RGS3: variants seen among roughly 807,000 people sequenced by gnomAD.
The protein encoded by RGS3 is regulator of G protein signaling 3, also known as regulator of G-protein signalling 3.
A neutral mutation model predicts 132.6 loss-of-function variants in RGS3; 80 were observed. The ratio of observed to expected loss-of-function variants is 0.60; its 90% CI spans 0.50 to 0.73. The LOEUF is 0.73. RGS3 is among the 30% of genes least tolerant of loss of function. RGS3 has a pLI of 0.00. For synonymous variants in RGS3, 598 were observed against 620.6 expected (o/e 0.96, Z 0.54); for missense variants, 1,382 against 1,530.8 (o/e 0.90, Z 1.62).
At chr9:113,551,150 C>T (rs1190510947) in intron 19 of RGS3, among the ~76,000 whole-genome samples, 3 of 152,194 alleles carry the variant, frequency 2.0e-5, no homozygotes, top group African/African-American at 7.2e-5. Flanking sequence ...CAACCCTAAG[C>T]GACCACTAGT....
chr9:113,485,579 G>A, intron 6 of RGS3, 46 bp from the exon 5 acceptor site: 1 of 1,493,182 alleles, frequency 6.7e-7, no homozygotes, highest in Non-Finnish European at 9.2e-7. Flanking sequence ...CTATGGCCTG[G>A]AGCTCAGCCC....
At chr9:113,566,102 AT>A (rs1237638839) in intron 19 of RGS3, among the ~76,000 whole-genome samples, 4 of 152,108 alleles carry the variant, frequency 2.6e-5, no homozygotes, top group Non-Finnish European at 5.9e-5. Flanking sequence ...AGGGTTGGCT[AT>A]TGTATCAGGG....
In RGS3 at chr9:113,498,102, C is replaced by T. The variant is rs763672127; in HGVS notation, c.897+22C>T. On this transcript the variant is annotated intron_variant, in intron 10 of 24. Coordinates refer to ENST00000350696, the Ensembl canonical transcript of RGS3. Reference sequence around the variant, plus strand: ...AAAGGTAGGTGGGGACAAGCTAGGGCATTGCTCCAGGAGCTGGATCTGCTC... The same window carrying T: ...AAAGGTAGGTGGGGACAAGCTAGGGTATTGCTCCAGGAGCTGGATCTGCTC... The T allele has an allele frequency of 3.7e-6, 6 of 1,611,678 alleles. No homozygotes were observed. In the South Asian group the frequency reaches 6.6e-5, roughly 18 times the overall value.
chr9:113,544,933 A>G (rs189836565), intron 19 of RGS3, among the ~76,000 whole-genome samples: 2 of 152,334 alleles, frequency 1.3e-5, no homozygotes, highest in East Asian at 3.9e-4. Flanking sequence ...TGTAGAGGGA[A>G]TGCTTTTAGG....
At chr9:113,520,170 G>A (rs1831870786) in intron 16 of RGS3, among the ~76,000 whole-genome samples, 1 of 152,220 alleles carries the variant, frequency 6.6e-6, no homozygotes, top group Non-Finnish European at 1.5e-5. Flanking sequence ...GTGTGGGGAA[G>A]ACACTGGGTG....
At chr9:113,594,871 T>G (rs777243258) in intron 22 of RGS3, 48 bp from the exon 21 acceptor site, 1 of 1,580,704 alleles carries the variant, frequency 6.3e-7, no homozygotes. Context: ...CCCCCAAGGT[T>G]CCCAAGCCTC....
At chr9:113,453,963 A>T (rs1829312078) in intron 1 of RGS3, among the ~76,000 whole-genome samples, 1 of 151,966 alleles carries the variant, frequency 6.6e-6, no homozygotes, top group African/African-American at 2.4e-5. Context: ...GACCACAGTC[A>T]TGTGCCACCA....
chr9:113,553,457 AAAAT>A (rs1206408503), intron 19 of RGS3, among the ~76,000 whole-genome samples: 2 of 90,872 alleles, frequency 2.2e-5, no homozygotes, highest in East Asian at 2.4e-4. Context: ...AAAAAAAAAA[AAAAT>A]ATATATATAT....
intron 7 of RGS3, 66 bp from the exon 6 acceptor site, chr9:113,495,720 T>G: frequency 7.4e-7 from 1 of 1,346,450 alleles, no homozygotes; most frequent in Non-Finnish European, 1.1e-6. Flanking sequence ...ATGCTATACT[T>G]GATAATGGAC....
chr9:113,525,692 C>CG (rs2119425242), intron 17 of RGS3, among the ~76,000 whole-genome samples: 1 of 152,322 alleles, frequency 6.6e-6, no homozygotes, highest in Non-Finnish European at 1.5e-5. Context: ...GGGCTGCTCC[C>CG]TGGCAGGGGA....
chr9:113,481,665 C>A (rs531380079), intron 4 of RGS3, among the ~76,000 whole-genome samples: 6 of 152,242 alleles, frequency 3.9e-5, no homozygotes, highest in African/African-American at 1.4e-4. Flanking sequence ...CCCTTCCCAC[C>A]GGTCCCCACT....
chr9:113,485,753 G>A (rs923153450), intron 7 of RGS3, 60 bp downstream of exon 5: 22 of 1,313,086 alleles, frequency 1.7e-5, no homozygotes, highest in Non-Finnish European at 2.2e-6. Flanking sequence ...TGACAGCCAG[G>A]TGGCCAGCAT....
chr9:113,489,787 C>T (rs1246745897), intron 7 of RGS3, among the ~76,000 whole-genome samples: 3 of 151,832 alleles, frequency 2.0e-5, no homozygotes, highest in Non-Finnish European at 4.4e-5. Context: ...GCCTCAGCCT[C>T]CTAAAGTGCT....
At chr9:113,524,414 G>A (rs577652697) in intron 17 of RGS3, among the ~76,000 whole-genome samples, 1 of 152,288 alleles carries the variant, frequency 6.6e-6, no homozygotes, top group Non-Finnish European at 1.5e-5. Flanking sequence ...GCCCTGGTTG[G>A]TACATGAATG....
At chr9:113,564,830 T>A in intron 19 of RGS3, 1 of 702,426 alleles carries the variant, frequency 1.4e-6, no homozygotes, top group Non-Finnish European at 1.8e-6. Flanking sequence ...GCAGTCGCAT[T>A]CTGGAAGTCA....
Position 113,507,990 on chromosome 9 carries a change from G to T in RGS3, c.1437+352G>T, listed in dbSNP as rs1279117868. 6.6e-6 allele frequency among the ~76,000 whole-genome samples: 1 copy of T among 152,218 alleles called. No homozygotes were observed. The highest frequency in any genetic ancestry group is 2.4e-5 in the African/African-American group (1 of 41,454). On this transcript the variant is annotated intron_variant, in intron 13 of 24. Transcript: ENST00000350696. This position sits in a 1 kb window ranked among gnomAD's most constrained non-coding sequence, Gnocchi z 5.0. ...GGAGGTATGAAAGCAGACACTGCATGATTGCATGGTGGGATGATGGAGTGC... is the reference window on the plus strand; with the variant it reads ...GGAGGTATGAAAGCAGACACTGCATTATTGCATGGTGGGATGATGGAGTGC...
Position 113,591,328 on chromosome 9 carries a change from C to T in RGS3, c.3016-5C>T, listed in dbSNP as rs762571726. 2.6e-5 allele frequency: 42 copies of T among 1,613,232 alleles called. No homozygotes were observed. The Middle Eastern group carries it at 4.9e-4, about 19-fold the overall frequency. On this transcript the variant is annotated splice_polypyrimidine_tract_variant and splice_region_variant and intron_variant, in intron 20 of 24. Coordinates refer to ENST00000350696, the Ensembl canonical transcript of RGS3. The surrounding 1 kb of genome is among the most constrained non-coding windows in gnomAD (Gnocchi z 4.4). ...GACTGCATCGTGTCTGTCTTCTCTC[C>T]GCAGATGAGCGGGGCTGACACCGTT...
exon 3 of RGS3, chr9:113,462,194 G>A (rs1005987079): frequency 1.2e-6 from 2 of 1,613,486 alleles, no homozygotes; most frequent in Non-Finnish European, 1.7e-6. Flanking sequence ...CCAAAGTCCA[G>A]GGTGCAGGTA....
chr9:113,477,217 A>G (rs1830022049), intron 3 of RGS3, among the ~76,000 whole-genome samples: 1 of 152,000 alleles, frequency 6.6e-6, no homozygotes, highest in Non-Finnish European at 1.5e-5. Context: ...GGAGAGTGCC[A>G]TAACCCCTGT....
Sources: gnomAD v4.1 joint callset for allele counts (sites outside exome capture counted in the v4.1 genomes callset) on GRCh38, gnomAD v4.1.1 for gene constraint, Gnocchi (gnomAD v3.1) non-coding constraint, MANE v1.5 for transcripts, NCBI Gene and HGNC (gene_info 2026-07-23, HGNC 2026-07-21) for gene names.